The following LRCH3 variants were observed in gnomAD, a reference collection of about 807,000 sequenced individuals.
The protein encoded by LRCH3 is leucine rich repeats and calponin homology domain containing 3.
A neutral mutation model predicts 104.5 loss-of-function variants in LRCH3; 68 were observed. The ratio of observed to expected loss-of-function variants is 0.65; its 90% CI spans 0.54 to 0.80. LRCH3 has a LOEUF of 0.80. Among genes scored for constraint, LRCH3 ranks in the 30% least tolerant of loss-of-function variants. The probability of loss-of-function intolerance (pLI) is 0.00; values close to 1 mark genes in which losing one functional copy is unlikely to be tolerated. For missense variants in LRCH3, 951 were observed against 953.9 expected, an observed-to-expected ratio of 1.00 and a Z score of 0.04; for synonymous variants, 344 against 361.3, an observed-to-expected ratio of 0.95 and a Z score of 0.54.
intron 1 of LRCH3, 32 bp downstream of exon 1, chr3:197,791,572 G>T (rs1376499561): frequency 6.7e-7 from 1 of 1,503,224 alleles, no homozygotes; most frequent in South Asian, 1.3e-5. Flanking sequence ...TCTGCCCGTC[G>T]GAGACCCGGC....
In LRCH3 at chr3:197,845,059, A is replaced by G. The variant is rs530833215; in HGVS notation, c.1329-2350A>G. On this transcript the variant is annotated intron_variant, in intron 10 of 20. Transcript: ENST00000425562. ...ACGGGACGCAGATTGGATTGGGTGC[A>G]AAATACAGTAATGAGATAAAGTGGA... Among the ~76,000 whole-genome samples the G allele has an allele frequency of 5.9e-5, 9 of 152,354 alleles. No individual in the cohort carries two copies. In the East Asian group the frequency reaches 1.7e-3, roughly 29 times the overall value.
intron 12 of LRCH3, among the ~76,000 whole-genome samples, chr3:197,849,002 G>A (rs572515737): frequency 5.3e-5 from 8 of 152,248 alleles, no homozygotes; most frequent in Non-Finnish European, 1.2e-4. Flanking sequence ...GGTGGCTCAC[G>A]CCTGTAGTCC....
In LRCH3 at chr3:197,865,521, T is replaced by A. The variant is rs775699301; in HGVS notation, c.1765+50T>A. On this transcript the variant is annotated intron_variant, in intron 16 of 20. Coordinates refer to ENST00000425562, the MANE Select transcript of LRCH3 (RefSeq NM_001365715.1). The stretch of plus-strand genomic sequence containing the variant: ...ACCACATCAAGATTATAATTCTTTA[T>A]TTTTTTATTTAAAAAATAATAATAA... The A allele has an allele frequency of 1.7e-5, 20 of 1,169,592 alleles. No homozygotes were observed. In the South Asian group the frequency reaches 3.5e-4, roughly 21 times the overall value. 72.5% of individuals were successfully genotyped at this position (1,169,592 alleles called of 1,614,324 possible).
At chr3:197,855,955 C>G (rs1033138109) in intron 14 of LRCH3, among the ~76,000 whole-genome samples, 4 of 152,206 alleles carry the variant, frequency 2.6e-5, no homozygotes, top group African/African-American at 4.8e-5. Context: ...GCTCCCGTTG[C>G]TTAGAGTGAA....
chr3:197,871,273 T>C, intron 18 of LRCH3, 52 bp from the exon 19 acceptor site: 1 of 1,382,708 alleles, frequency 7.2e-7, no homozygotes, highest in Non-Finnish European at 1.0e-6. Flanking sequence ...CCTTATGTCC[T>C]ATATGTCAGT....
chr3:197,806,878 T>C (rs1460822687), intron 1 of LRCH3, among the ~76,000 whole-genome samples: 2 of 150,838 alleles, frequency 1.3e-5, no homozygotes, highest in East Asian at 4.1e-4. Context: ...TACAAAAGAT[T>C]TAAAAGAAAA....
At chr3:197,825,464 A>ATTTTTTTTTTTTTTTTTTT (rs58237989) in intron 4 of LRCH3, among the ~76,000 whole-genome samples, 1 of 20,034 alleles carries the variant, frequency 5.0e-5, no homozygotes, top group Non-Finnish European at 9.3e-5. Context: ...ATCCTCTTTG[A>ATTTTTTTTTTTTTTTTTTT]TTTTTTTTTT....
At chr3:197,838,239 G>A (rs904510461) in intron 9 of LRCH3, among the ~76,000 whole-genome samples, 4 of 152,224 alleles carry the variant, frequency 2.6e-5, no homozygotes, top group South Asian at 2.1e-4. Flanking sequence ...GGGCCACATA[G>A]CGACACTCTG....
chr3:197,881,227 C>T lies in LRCH3; in HGVS notation c.2209-2314C>T, dbSNP rs1175948909. On this transcript the variant is annotated intron_variant, in intron 20 of 20. Transcript: ENST00000425562. ...TTAGATTTCTGCTTTGAACTGTGTC[C>T]TGAGATCCTGAATCCCCGCTTTGTC... 4 of 998,268 alleles carry T rather than the reference C, an allele frequency of 4.0e-6. No homozygotes were observed. In the African/African-American group the frequency reaches 7.0e-5, roughly 17 times the overall value. 61.8% of individuals were successfully genotyped at this position (998,268 alleles called of 1,614,324 possible).
chr3:197,829,770 A>G (rs1309936441), intron 6 of LRCH3, 97 bp downstream of exon 6: 7 of 811,718 alleles, frequency 8.6e-6, no homozygotes, highest in Non-Finnish European at 1.4e-5. Context: ...CTAAAGGGAA[A>G]TAACCTGTTT....
In LRCH3 at chr3:197,820,439, CTA is replaced by C; in HGVS notation, c.640+11_640+12del. 6.9e-7 allele frequency: 1 copy of C among 1,459,492 alleles called. No individual in the cohort carries two copies. The highest frequency in any genetic ancestry group is 1.2e-5 in the South Asian group (1 of 85,228). The allele number at this position is 1,459,492 out of a possible 1,614,324, so 90.4% of individuals were successfully genotyped here. On this transcript the variant is annotated intron_variant, in intron 4 of 20. Transcript: ENST00000425562. ...AGTACATTTGCCTGAAGGTAAGAAA[CTA>C]TGAAATAAGAAACCATGAAATAATT...
At chr3:197,804,133 C>T (rs1037973014) in intron 1 of LRCH3, among the ~76,000 whole-genome samples, 2 of 151,996 alleles carry the variant, frequency 1.3e-5, no homozygotes, top group African/African-American at 2.4e-5. Context: ...GTGGCGTGCA[C>T]CTCTAGTTAG....
At chr3:197,797,148 T>C (rs1175915905) in intron 1 of LRCH3, among the ~76,000 whole-genome samples, 4 of 151,710 alleles carry the variant, frequency 2.6e-5, no homozygotes, top group Non-Finnish European at 5.9e-5. Flanking sequence ...GCCAACATGG[T>C]GAAACCCCAT....
intron 15 of LRCH3, among the ~76,000 whole-genome samples, chr3:197,862,141 G>A (rs1017319437): frequency 1.3e-5 from 2 of 152,042 alleles, no homozygotes; most frequent in Admixed American, 6.6e-5. Context: ...GATTACAGGC[G>A]CATGCCACCA....
intron 15 of LRCH3, among the ~76,000 whole-genome samples, chr3:197,864,732 G>A (rs60516688): frequency 0.031 from 4,424 of 141,496 alleles, 240 homozygotes; most frequent in African/African-American, 0.11. Flanking sequence ...TTTTTCCAAA[G>A]GGGGTCAGGC....
rs1191852333 is a variant in LRCH3, at chr3:197,883,853, A to AT, written c.*194dup. On this transcript the variant is annotated 3_prime_UTR_variant, in exon 21 of 21. Transcript: ENST00000425562. This position sits in a 1 kb window ranked among gnomAD's most constrained non-coding sequence, Gnocchi z 4.2. ...GGGAGGTTATTTCCATTTCCATTGA[A>AT]TTTTTTTACGAAGACACCATTGGTT... is the stretch of plus-strand genomic sequence containing the variant. 1.4e-5 allele frequency: 8 copies of AT among 576,750 alleles called. No homozygotes were observed. The highest frequency in any genetic ancestry group is 2.2e-5 in the Non-Finnish European group (8 of 370,118). The allele number at this position is 576,750 out of a possible 1,614,324, so 35.7% of individuals were successfully genotyped here. A position where few individuals can be genotyped will look rare whatever the true frequency, so the allele number is the denominator to read the frequency against.
chr3:197,823,780 A>G (rs1271397923), intron 4 of LRCH3, among the ~76,000 whole-genome samples: 1 of 152,086 alleles, frequency 6.6e-6, no homozygotes, highest in Non-Finnish European at 1.5e-5. Context: ...CACAGTGCCC[A>G]GACTGCTGAC....
intron 15 of LRCH3, among the ~76,000 whole-genome samples, chr3:197,861,633 A>G (rs574955639): frequency 2.0e-4 from 31 of 152,224 alleles, no homozygotes; most frequent in African/African-American, 6.0e-4. Context: ...TTTTTTTAGT[A>G]TCTCTATTAC....
At chr3:197,865,180 G>A (rs1458416166) in intron 15 of LRCH3, among the ~76,000 whole-genome samples, 1 of 152,026 alleles carries the variant, frequency 6.6e-6, no homozygotes, top group East Asian at 1.9e-4. Flanking sequence ...GTAGAGACAG[G>A]GTCTCACTAT....
Sources: gnomAD v4.1 joint callset for allele counts (sites outside exome capture counted in the v4.1 genomes callset) on GRCh38, gnomAD v4.1.1 for gene constraint, Gnocchi (gnomAD v3.1) non-coding constraint, MANE v1.5 for transcripts, NCBI Gene and HGNC (gene_info 2026-07-23, HGNC 2026-07-21) for gene names.